ERC1: variants seen among roughly 807,000 people sequenced by gnomAD.
ERC1 encodes the protein RAB6 interacting protein 2.
Under a neutral mutation model 132.0 loss-of-function variants are expected in ERC1, and 56 were observed. That is an observed-to-expected ratio of 0.42 (90% CI 0.34 to 0.53). ERC1 has a LOEUF of 0.53. Among genes scored for constraint, ERC1 ranks in the 20% least tolerant of loss-of-function variants. ERC1 has a pLI of 0.03. For missense variants in ERC1, 1,202 were observed against 1,349.9 expected (o/e 0.89, Z 1.72); for synonymous variants, 478 against 476.1 (o/e 1.00, Z -0.05).
rs1447717561 is a variant in ERC1 at position 1,121,737 on chromosome 12, C to CTGTG, written c.1569+5705_1569+5706insGTGT. 6.4e-3 allele frequency among the ~76,000 whole-genome samples: 37 copies of CTGTG among 5,790 alleles called. 2 individuals carry two copies. Among genetic ancestry groups the CTGTG allele is most frequent in the African/African-American group, 0.011 (35 of 3,224 alleles). 3.8% of individuals were successfully genotyped at this position (5,790 alleles called of 152,430 possible). On this transcript the variant is annotated intron_variant, in intron 7 of 18. Transcript: ENST00000360905. Reference sequence around the variant, plus strand: ...TCTCTATCTCTATCTCTATCTCTATCTCTATCTATCTCTATCTCTATCTCT... The same window carrying CTGTG: ...TCTCTATCTCTATCTCTATCTCTATCTGTGTCTATCTATCTCTATCTCTATCTCT...
At chr12:1,091,299 A>G (rs555217786) in intron 3 of ERC1, among the ~76,000 whole-genome samples, 2 of 152,306 alleles carry the variant, frequency 1.3e-5, no homozygotes, top group African/African-American at 4.8e-5. Context: ...TGGAGTGCTA[A>G]TTAAGTTGGG....
At chr12:1,068,519 C>A (rs144601086) in intron 2 of ERC1, among the ~76,000 whole-genome samples, 2 of 151,844 alleles carry the variant, frequency 1.3e-5, no homozygotes, top group Non-Finnish European at 2.9e-5. Context: ...ATACCTGATT[C>A]TTTACTGATG....
At chr12:1,304,922 T>C (rs974036052) in intron 15 of ERC1, among the ~76,000 whole-genome samples, 1 of 150,756 alleles carries the variant, frequency 6.6e-6, no homozygotes, top group African/African-American at 2.4e-5. Flanking sequence ...CCCGAGTAGC[T>C]GGGACTACAG....
At chr12:1,135,184 C>T (rs1363658611) in intron 7 of ERC1, among the ~76,000 whole-genome samples, 1 of 152,170 alleles carries the variant, frequency 6.6e-6, no homozygotes, top group Non-Finnish European at 1.5e-5. Context: ...CCTGTTCCAA[C>T]CTAACCTTTG....
At chr12:1,074,522 C>T (rs1288325800) in intron 2 of ERC1, among the ~76,000 whole-genome samples, 5 of 151,692 alleles carry the variant, frequency 3.3e-5, no homozygotes, top group Non-Finnish European at 5.9e-5. Flanking sequence ...CTCAAACTCC[C>T]CCACCCCAAG....
At chr12:1,239,034 A>C (rs533762185) in intron 13 of ERC1, among the ~76,000 whole-genome samples, 1 of 152,302 alleles carries the variant, frequency 6.6e-6, no homozygotes, top group Admixed American at 6.5e-5. Flanking sequence ...ACTGGACTAC[A>C]AGTTAGGATA....
Position 1,408,178 on chromosome 12 carries a change from C to G in ERC1, c.2955C>G (p.Asp985Glu). ...AAAATCGAATGAAGCTAATGGCCGA[C>G]AACTACGAGGATGACCACTTCAAAT... is the stretch of plus-strand genomic sequence containing the variant. ...QTQNRMKLMA[D>E]NYEDDHFKSS... Residue 985 changes from aspartate to glutamate, a missense_variant, in exon 17 of 19, where the codon GAC becomes GAG. Coordinates refer to ENST00000360905, the MANE Select transcript of ERC1 (RefSeq NM_178040.4). 6.2e-7 allele frequency: 1 copy of G among 1,613,956 alleles called. No homozygotes were observed. Among genetic ancestry groups the G allele is most frequent in the Non-Finnish European group, 8.5e-7 (1 of 1,179,934 alleles).
chr12:1,043,748 C>T (rs984992664), intron 2 of ERC1, among the ~76,000 whole-genome samples: 1 of 152,140 alleles, frequency 6.6e-6, no homozygotes, highest in South Asian at 2.1e-4. Context: ...TGACTGAGGA[C>T]GAAGTTGATA....
chr12:1,419,869 A>AC (rs1455850666), intron 17 of ERC1, among the ~76,000 whole-genome samples: 3 of 151,638 alleles, frequency 2.0e-5, no homozygotes, highest in African/African-American at 7.3e-5. Context: ...TCTGGCAAAA[A>AC]AAAAAAAAAA....
chr12:1,069,950 G>A (rs2154181186), intron 2 of ERC1, among the ~76,000 whole-genome samples: 1 of 152,282 alleles, frequency 6.6e-6, no homozygotes, highest in Non-Finnish European at 1.5e-5. Context: ...ATGTATCGAT[G>A]TGGATAAATC....
At position 1,251,264 on chromosome 12, in the gene ERC1, C is replaced by T. The variant is rs557874983; in HGVS notation, c.2488-11770C>T. Among the ~76,000 whole-genome samples, 437 of 152,148 alleles carry T rather than the reference C, an allele frequency of 2.9e-3. 3 individuals are homozygous for T. The highest frequency in any genetic ancestry group is 0.02 in the Middle Eastern group (6 of 294). ...TCTAGAAATAGTATGTGATTTGTCA[C>T]ATGCTGGATACATCTAATATATTAA... is the stretch of plus-strand genomic sequence containing the variant. On this transcript the variant is annotated intron_variant, in intron 13 of 18. Coordinates refer to ENST00000360905, the MANE Select transcript of ERC1 (RefSeq NM_178040.4).
intron 16 of ERC1, 77 bp downstream of exon 16, chr12:1,372,054 T>A: frequency 6.6e-7 from 1 of 1,506,208 alleles, no homozygotes; most frequent in Non-Finnish European, 8.9e-7. Context: ...TGCCAGCTTG[T>A]ACTTTAAGGT....
intron 8 of ERC1, among the ~76,000 whole-genome samples, chr12:1,167,903 A>G (rs774941713): frequency 5.9e-5 from 9 of 151,796 alleles, no homozygotes; most frequent in Non-Finnish European, 1.0e-4. Context: ...TTTACTGCAG[A>G]CGGGGTTTCA....
At chr12:1,463,697 C>CTGTGTGTGTGTGTGTGTG (rs57210462) in intron 18 of ERC1, among the ~76,000 whole-genome samples, 2,364 of 136,064 alleles carry the variant, frequency 0.017, 67 homozygotes, top group African/African-American at 0.046. Flanking sequence ...GGTGCTAAGA[C>CTGTGTGTGTGTGTGTGTG]TGTGTGTGTG....
chr12:1,417,940 T>A (rs2092204541), intron 17 of ERC1, among the ~76,000 whole-genome samples: 1 of 152,196 alleles, frequency 6.6e-6, no homozygotes, highest in Admixed American at 6.5e-5. Flanking sequence ...TGTAAGCATG[T>A]TTTCATTGAA....
At chr12:1,255,395 A>T (rs1164622642) in intron 13 of ERC1, among the ~76,000 whole-genome samples, 1 of 152,148 alleles carries the variant, frequency 6.6e-6, no homozygotes, top group African/African-American at 2.4e-5. Context: ...GAACCGTGCC[A>T]CAATAAACAT....
intron 5 of ERC1, among the ~76,000 whole-genome samples, chr12:1,111,077 C>A (rs1229556098): frequency 6.6e-6 from 1 of 152,056 alleles, no homozygotes; most frequent in Admixed American, 6.6e-5. Context: ...TAACGGAAAG[C>A]CCTTTCTTTG....
intron 11 of ERC1, among the ~76,000 whole-genome samples, chr12:1,188,993 C>T (rs903126045): frequency 3.3e-5 from 5 of 152,090 alleles, no homozygotes; most frequent in Non-Finnish European, 5.9e-5. Flanking sequence ...AATGCATTAA[C>T]AATATTAGTT....
chr12:995,974 T>G (rs1190924680), intron 1 of ERC1, among the ~76,000 whole-genome samples: 1 of 152,186 alleles, frequency 6.6e-6, no homozygotes, highest in East Asian at 1.9e-4. Context: ...GAATGTTGAG[T>G]AAGAGAGAAT....
Sources: gnomAD v4.1 joint callset for allele counts (sites outside exome capture counted in the v4.1 genomes callset) on GRCh38, gnomAD v4.1.1 for gene constraint, MANE v1.5 for transcripts, NCBI Gene and HGNC (gene_info 2026-07-23, HGNC 2026-07-21) for gene names.